Variants in MAP1B observed in about 807,000 individuals in gnomAD.
The protein encoded by MAP1B is microtubule associated protein 1B.
MAP1B carries 12 observed loss-of-function variants against 176.1 expected under a neutral mutation model. The observed-to-expected ratio is 0.07, with a 90% CI of 0.04 to 0.11. The LOEUF (loss-of-function observed/expected upper bound fraction) is 0.11. Ranked by LOEUF, MAP1B falls within the 10% of genes least tolerant of loss-of-function variation. MAP1B has a pLI of 1.00. For synonymous variants in MAP1B, 1,044 were observed against 1,135.0 expected, an observed-to-expected ratio of 0.92 and a Z score of 1.61; for missense variants, 2,523 against 2,990.5, an observed-to-expected ratio of 0.84 and a Z score of 3.65.
chr5:72,174,036 G>A (rs758419461), intron 2 of MAP1B, among the ~76,000 whole-genome samples: 7 of 152,202 alleles, frequency 4.6e-5, no homozygotes, highest in African/African-American at 7.2e-5. Context: ...AGGCTGAGGT[G>A]AAAGAATCAC....
At chr5:72,118,339 A>G (rs1466345) in intron 2 of MAP1B, among the ~76,000 whole-genome samples, 98,265 of 151,630 alleles carry the variant, frequency 0.65, 32,455 homozygotes, top group Middle Eastern at 0.73. Context: ...TTAACTTAGA[A>G]CCAAGGAGCA....
Position 72,143,519 on chromosome 5 carries a change from T to C in MAP1B, c.286+27720T>C, listed in dbSNP as rs1745987514. On this transcript the variant is annotated intron_variant, in intron 2 of 6. Coordinates refer to ENST00000296755, the MANE Select transcript of MAP1B (RefSeq NM_005909.5). ...ATGCCAGCTCTGGTTTTTTAATTCA[T>C]ATGTCTTTTAAAAAACATATCTGTC... Among the ~76,000 whole-genome samples the C allele has an allele frequency of 2.0e-5, 3 of 152,222 alleles. No individual in the cohort carries two copies. In the South Asian group the frequency reaches 6.2e-4, roughly 32 times the overall value.
intron 2 of MAP1B, among the ~76,000 whole-genome samples, chr5:72,132,708 T>C (rs1215524576): frequency 6.6e-6 from 1 of 152,258 alleles, no homozygotes; most frequent in Admixed American, 6.5e-5. Context: ...CGTTTCATAG[T>C]GGCAACGTCT....
chr5:72,110,723 C>T (rs918211168), intron 1 of MAP1B, among the ~76,000 whole-genome samples: 2 of 152,218 alleles, frequency 1.3e-5, no homozygotes, highest in African/African-American at 4.8e-5. Flanking sequence ...TCCTATTTCC[C>T]CTCCTGCCTT....
At chr5:72,134,037 TCTTATTGTCA>T (rs1202273573) in intron 2 of MAP1B, among the ~76,000 whole-genome samples, 8 of 152,228 alleles carry the variant, frequency 5.3e-5, no homozygotes, top group Non-Finnish European at 1.2e-4. Context: ...TCACATGCAT[TCTTATTGTCA>T]CTATGTGAAC....
intron 2 of MAP1B, among the ~76,000 whole-genome samples, chr5:72,124,326 G>C (rs1441475493): frequency 6.6e-6 from 1 of 152,132 alleles, no homozygotes; most frequent in East Asian, 1.9e-4. Context: ...ACAGGGACTG[G>C]AGAAATTAAC....
chr5:72,116,155 C>A, intron 2 of MAP1B: 1 of 318,164 alleles, frequency 3.1e-6, no homozygotes, highest in Middle Eastern at 1.1e-3. Flanking sequence ...ATGTGTATCT[C>A]ACTGTACTCT....
chr5:72,198,238 C>T lies in MAP1B; in HGVS notation c.4883C>T (p.Thr1628Ile). 1.2e-6 allele frequency: 2 copies of T among 1,614,226 alleles called. No individual in the cohort carries two copies. The highest frequency in any genetic ancestry group is 1.7e-6 in the Non-Finnish European group (2 of 1,180,036). Residue 1628 changes from threonine to isoleucine, a missense_variant, in exon 5 of 7, where the codon ACT becomes ATT. Physicochemically the swap from Thr to Ile is moderately conservative, Grantham distance 89. This residue lies in a region of MAP1B where 1,925 missense variants were observed against 2,126.0 expected (regional missense o/e 0.91). Transcript: ENST00000296755. ...SISPPDFSPKTAKSRTPVQDH... is the reference protein window; with the variant it reads ...SISPPDFSPKIAKSRTPVQDH... ...TCTCCACCAGATTTCTCCCCTAAAA[C>T]TGCAAAGTCCAGGACACCCGTTCAA...
In MAP1B at chr5:72,198,008, A is replaced by C; in HGVS notation, c.4653A>C (p.Ser1551=). ...DTYSHMEGVA[S]VSTASVATSS... The stretch of plus-strand genomic sequence containing the variant: ...ACTCTCATATGGAGGGTGTGGCCTC[A>C]GTGTCCACAGCCTCAGTGGCTACGA... The change falls in exon 5 of 7, where the codon TCA becomes TCC. Residue 1551 remains serine (S), a synonymous_variant. Transcript: ENST00000296755. 1 of 1,614,158 alleles carries C rather than the reference A, an allele frequency of 6.2e-7. No individual in the cohort carries two copies. The highest frequency in any genetic ancestry group is 8.5e-7 in the Non-Finnish European group (1 of 1,179,988).
At position 72,204,804 on chromosome 5, in the gene MAP1B, C is replaced by T. The variant is rs1050215843; in HGVS notation, c.7252-280C>T. On this transcript the variant is annotated intron_variant, in intron 6 of 6. Coordinates refer to ENST00000296755, the MANE Select transcript of MAP1B (RefSeq NM_005909.5). The surrounding 1 kb of genome is among the most constrained non-coding windows in gnomAD (Gnocchi z 4.4). ...GGAAATACAAAAAATTGTACCCTAA[C>T]GGAAGCACTTCTCTTAACAGTAAAG... 1.1e-4 allele frequency among the ~76,000 whole-genome samples: 17 copies of T among 152,182 alleles called. No individual in the cohort carries two copies. The highest frequency in any genetic ancestry group is 2.7e-4 in the African/African-American group (11 of 41,450).
At chr5:72,112,885 T>C (rs1391314306) in intron 1 of MAP1B, among the ~76,000 whole-genome samples, 1 of 152,184 alleles carries the variant, frequency 6.6e-6, no homozygotes. Flanking sequence ...AGGGCTTCCC[T>C]GCTCCCCAAC....
chr5:72,131,022 CTGGTA>C (rs1315718304), intron 2 of MAP1B, among the ~76,000 whole-genome samples: 3 of 152,194 alleles, frequency 2.0e-5, no homozygotes, highest in Non-Finnish European at 4.4e-5. Context: ...CTAATGGGAT[CTGGTA>C]ATGTGTCAGT....
chr5:72,176,588 A>G lies in MAP1B; in HGVS notation c.287-7155A>G, dbSNP rs143849294. On this transcript the variant is annotated intron_variant, in intron 2 of 6. Coordinates refer to ENST00000296755, the MANE Select transcript of MAP1B (RefSeq NM_005909.5). ...AACTCTAAGGCACTCTACACATGCA[A>G]GATTTTATTGCTGTGTTCTGGTGAT... Among the ~76,000 whole-genome samples the G allele has an allele frequency of 4.5e-3, 686 of 152,348 alleles. 3 individuals are homozygous for G. The highest frequency in any genetic ancestry group is 6.0e-3 in the Non-Finnish European group (409 of 68,016).
intron 2 of MAP1B, chr5:72,179,913 T>G: frequency 1.0e-6 from 1 of 985,454 alleles, no homozygotes; most frequent in Non-Finnish European, 1.2e-6. Context: ...TGGAGGTAAA[T>G]GGCAACTGTC....
chr5:72,174,317 A>T (rs1746607290), intron 2 of MAP1B, among the ~76,000 whole-genome samples: 1 of 152,208 alleles, frequency 6.6e-6, no homozygotes, highest in African/African-American at 2.4e-5. Context: ...ATATGAAAAT[A>T]AAAAATTGTA....
At chr5:72,140,424 C>T (rs1745925394) in intron 2 of MAP1B, among the ~76,000 whole-genome samples, 1 of 152,218 alleles carries the variant, frequency 6.6e-6, no homozygotes, top group African/African-American at 2.4e-5. Context: ...TTAAGAAACA[C>T]TGGCTTTGAC....
In MAP1B at chr5:72,194,674, A is replaced by G. The variant is rs747899001; in HGVS notation, c.1319A>G (p.Gln440Arg). The G allele has an allele frequency of 8.7e-6, 14 of 1,614,120 alleles. No individual in the cohort carries two copies. The East Asian group carries it at 8.9e-5, about 10-fold the overall frequency. The change falls in exon 5 of 7, where the codon CAG becomes CGG. Residue 440 changes from glutamine (Q) to arginine (R), a missense_variant. By Grantham distance (43) the Gln-to-Arg change is conservative. Coordinates refer to ENST00000296755, the MANE Select transcript of MAP1B (RefSeq NM_005909.5). This position sits in a 1 kb window ranked among gnomAD's most constrained non-coding sequence, Gnocchi z 7.2. ...AAGGAAATGCAGTATTTTATGCAGC[A>G]GTGGACTGGTACCAACAAAGACAAG... ...SSKEMQYFMQ[Q>R]WTGTNKDKAE... is the part of the protein sequence containing the mutation.
chr5:72,141,508 CT>C (rs1215708430), intron 2 of MAP1B, among the ~76,000 whole-genome samples: 1 of 152,198 alleles, frequency 6.6e-6, no homozygotes, highest in African/African-American at 2.4e-5. Flanking sequence ...AAATGCATTG[CT>C]TAGGGATCAG....
chr5:72,183,959 C>G (rs1459245181), intron 3 of MAP1B, 134 bp downstream of exon 3: 18 of 705,754 alleles, frequency 2.6e-5, no homozygotes, highest in Non-Finnish European at 3.8e-5. Flanking sequence ...AGAGGTCTTT[C>G]TCAACCCCCA....
Sources: gnomAD v4.1 joint callset for allele counts (sites outside exome capture counted in the v4.1 genomes callset) on GRCh38, gnomAD v4.1.1 for gene constraint, gnomAD v4.1.1 regional missense constraint, Gnocchi (gnomAD v3.1) non-coding constraint, MANE v1.5 for transcripts, NCBI Gene and HGNC (gene_info 2026-07-23, HGNC 2026-07-21) for gene names.